TRIM59: variants seen among roughly 807,000 people sequenced by gnomAD.
The protein encoded by TRIM59 is tripartite motif containing 59.
TRIM59 carries 14 observed loss-of-function variants against 32.2 expected under a neutral mutation model. The observed-to-expected ratio is 0.43, with a 90% CI of 0.29 to 0.68. The LOEUF is 0.68. Among genes scored for constraint, TRIM59 ranks in the 30% least tolerant of loss-of-function variants. The pLI, the probability that TRIM59 is intolerant of heterozygous loss-of-function variation, is 0.15. For missense variants in TRIM59, 471 were observed against 463.3 expected, an observed-to-expected ratio of 1.02 and a Z score of -0.15; for synonymous variants, 163 against 155.1, an observed-to-expected ratio of 1.05 and a Z score of -0.38.
chr3:160,449,651 T>C lies in TRIM59; in HGVS notation c.-74+66A>G, dbSNP rs113420638. ...CCAACACACTAGGCACACCAGACTG[T>C]GCTACAGGAAAAGAAAAAGGACTCA... On this transcript the variant is annotated intron_variant, in intron 1 of 2. Coordinates refer to ENST00000309784, the MANE Select transcript of TRIM59 (RefSeq NM_173084.3). 14 of 1,289,854 alleles carry C rather than the reference T, an allele frequency of 1.1e-5. No individual in the cohort carries two copies. The African/African-American group carries it at 1.4e-4, about 13-fold the overall frequency. The allele number at this position is 1,289,854 out of a possible 1,614,324, so 79.9% of individuals were successfully genotyped here.
intron 2 of TRIM59, among the ~76,000 whole-genome samples, 160 bp from the exon 3 acceptor site, chr3:160,439,346 T>C (rs1334767246): frequency 1.3e-5 from 2 of 152,212 alleles, no homozygotes; most frequent in African/African-American, 2.4e-5. Flanking sequence ...CATTTCCTAG[T>C]ATATATAGTG....
In TRIM59 at chr3:160,438,300, C is replaced by G; in HGVS notation, c.884G>C (p.Gly295Ala). 6.2e-7 allele frequency: 1 copy of G among 1,613,642 alleles called. No homozygotes were observed. Among genetic ancestry groups the G allele is most frequent in the Non-Finnish European group, 8.5e-7 (1 of 1,179,918 alleles). ...LKEEWSRTEI[G>A]QIKNVLIPKM... Reference sequence around the variant, plus strand: ...GGGAATGAGAACGTTCTTAATTTGTCCAATTTCTGTTCTGCTCCATTCTTC... The same window carrying G: ...GGGAATGAGAACGTTCTTAATTTGTGCAATTTCTGTTCTGCTCCATTCTTC... The change falls in exon 3 of 3, where the codon GGA (glycine) becomes GCA (alanine). Residue 295 changes from glycine (G) to alanine (A), a missense_variant. Physicochemically the swap from Gly to Ala is moderately conservative, Grantham distance 60. Coordinates refer to ENST00000309784, the MANE Select transcript of TRIM59 (RefSeq NM_173084.3).
Position 160,435,883 on chromosome 3 carries a change from G to A in TRIM59, c.*2089C>T, listed in dbSNP as rs776318079. 1.7e-6 allele frequency: 2 copies of A among 1,163,680 alleles called. No homozygotes were observed. The highest frequency in any genetic ancestry group is 1.3e-5 in the South Asian group (1 of 78,386). The allele number at this position is 1,163,680 out of a possible 1,614,324, so 72.1% of individuals were successfully genotyped here. On this transcript the variant is annotated 3_prime_UTR_variant, in exon 3 of 3. Coordinates refer to ENST00000309784, the MANE Select transcript of TRIM59 (RefSeq NM_173084.3). ...ATGGCCTTGGACAAGTCACTTGTCA[G>A]TTCCCTCATCTACAAAAAGGGGGTT... is the stretch of plus-strand genomic sequence containing the variant.
intron 1 of TRIM59, 36 bp downstream of exon 1, chr3:160,449,678 AACC>A: frequency 7.8e-7 from 1 of 1,289,660 alleles, no homozygotes; most frequent in Non-Finnish European, 1.0e-6. Context: ...AAGGACTCAG[AACC>A]ACCTTCTCCG....
rs985099351 is a variant in TRIM59 at position 160,435,937 on chromosome 3, T to G, written c.*2035A>C. 1 of 1,284,450 alleles carries G rather than the reference T, an allele frequency of 7.8e-7. No individual in the cohort carries two copies. The highest frequency in any genetic ancestry group is 1.5e-5 in the African/African-American group (1 of 65,796). 79.6% of individuals were successfully genotyped at this position (1,284,450 alleles called of 1,614,324 possible). A position where few individuals can be genotyped will look rare whatever the true frequency, so the allele number is the denominator to read the frequency against. On this transcript the variant is annotated 3_prime_UTR_variant, in exon 3 of 3. Transcript: ENST00000309784. ...AATATTCACATCACAGAAATGAGAT[T>G]AAGTAGTTTAACACATAATGGCTAA...
intron 2 of TRIM59, among the ~76,000 whole-genome samples, chr3:160,442,711 T>C (rs1014689978): frequency 3.3e-5 from 5 of 152,188 alleles, no homozygotes; most frequent in African/African-American, 4.8e-5. Context: ...CTTTTCTCAC[T>C]GATTTATTGA....
chr3:160,447,409 C>T (rs1204644647), intron 2 of TRIM59, among the ~76,000 whole-genome samples: 1 of 152,122 alleles, frequency 6.6e-6, no homozygotes. Context: ...CTAAATCACT[C>T]TACTTACAAA....
intron 2 of TRIM59, among the ~76,000 whole-genome samples, chr3:160,444,229 C>G (rs1260922125): frequency 6.6e-6 from 1 of 151,720 alleles, no homozygotes. Flanking sequence ...AAAAATAACC[C>G]ACAAAAAATA....
At chr3:160,445,889 C>T (rs1464525833) in intron 2 of TRIM59, among the ~76,000 whole-genome samples, 1 of 152,026 alleles carries the variant, frequency 6.6e-6, no homozygotes, top group Non-Finnish European at 1.5e-5. Flanking sequence ...CCATGGCTCA[C>T]TGCAGCCTCA....
At position 160,445,800 on chromosome 3, in the gene TRIM59, A is replaced by G. The variant is rs115006149; in HGVS notation, c.-4+2926T>C. On this transcript the variant is annotated intron_variant, in intron 2 of 2. Transcript: ENST00000309784. ...AAAAAAAAAAAAAAAAAAAATTGCT[A>G]GAACTGATAAACCCAAGAGATGGCT... Among the ~76,000 whole-genome samples the G allele has an allele frequency of 5.4e-3, 810 of 149,458 alleles. 7 individuals carry two copies. The highest frequency in any genetic ancestry group is 0.019 in the African/African-American group (783 of 40,860).
chr3:160,444,233 AAAAAT>A (rs1374041447), intron 2 of TRIM59, among the ~76,000 whole-genome samples: 1 of 152,198 alleles, frequency 6.6e-6, no homozygotes, highest in East Asian at 1.9e-4. Flanking sequence ...ATAACCCACA[AAAAAT>A]AAATATCTAG....
chr3:160,449,437 G>A, intron 1 of TRIM59: 4 of 1,158,124 alleles, frequency 3.5e-6, no homozygotes, highest in South Asian at 3.3e-5. Context: ...CAACCCCGCG[G>A]GACTGACCGA....
chr3:160,441,765 A>G (rs927413232), intron 2 of TRIM59, among the ~76,000 whole-genome samples: 1 of 151,222 alleles, frequency 6.6e-6, no homozygotes, highest in Non-Finnish European at 1.5e-5. Flanking sequence ...AAAAAAAAAA[A>G]AAAAAAAGAA....
chr3:160,436,594 A>G lies in TRIM59; in HGVS notation c.*1378T>C. On this transcript the variant is annotated 3_prime_UTR_variant, in exon 3 of 3. Transcript: ENST00000309784. ...CGAGTGGATCATGAGGTCAGGAGATAGAGACCATCCTGGCTAACACAGTGA... is the reference window on the plus strand; with the variant it reads ...CGAGTGGATCATGAGGTCAGGAGATGGAGACCATCCTGGCTAACACAGTGA... The G allele has an allele frequency of 2.3e-6, 2 of 854,952 alleles. No homozygotes were observed. The highest frequency in any genetic ancestry group is 2.8e-6 in the Non-Finnish European group (2 of 710,690). The allele number at this position is 854,952 out of a possible 1,614,324, so 53.0% of individuals were successfully genotyped here.
At chr3:160,439,475 G>A (rs1271099304) in intron 2 of TRIM59, among the ~76,000 whole-genome samples, 2 of 152,108 alleles carry the variant, frequency 1.3e-5, no homozygotes, top group Non-Finnish European at 2.9e-5. Flanking sequence ...TTGTTGCTAT[G>A]TGATATGGTT....
chr3:160,448,660 T>G (rs1484153439), intron 2 of TRIM59, 66 bp downstream of exon 2: 7 of 967,536 alleles, frequency 7.2e-6, no homozygotes, highest in Non-Finnish European at 9.9e-6. Flanking sequence ...ACTTTGTAGT[T>G]TAAATCATAC....
chr3:160,449,633 A>G (rs1719719443), intron 1 of TRIM59, 84 bp downstream of exon 1: 3 of 1,289,460 alleles, frequency 2.3e-6, no homozygotes, highest in African/African-American at 1.5e-5. Flanking sequence ...CGCCCAACAC[A>G]CTAGGCACAC....
At chr3:160,448,860 G>A (rs1577021846) in intron 1 of TRIM59, 65 bp from the exon 2 acceptor site, 2 of 878,766 alleles carry the variant, frequency 2.3e-6, no homozygotes, top group East Asian at 1.3e-4. Context: ...AAAAATGGTT[G>A]TTAGTTCACT....
Position 160,437,109 on chromosome 3 carries a change from T to C in TRIM59, c.*863A>G, listed in dbSNP as rs560992095. 46 of 973,010 alleles carry C rather than the reference T, an allele frequency of 4.7e-5. No individual in the cohort carries two copies. In the South Asian group the frequency reaches 1.8e-3, roughly 38 times the overall value. 60.3% of individuals were successfully genotyped at this position (973,010 alleles called of 1,614,324 possible). A position where few individuals can be genotyped will look rare whatever the true frequency, so the allele number is the denominator to read the frequency against. ...GCTAACGTCTGTAATCCCAGCACTT[T>C]GGGAGGCCAAGGTGGGCAGATCTCT... On this transcript the variant is annotated 3_prime_UTR_variant, in exon 3 of 3. Transcript: ENST00000309784.
Sources: gnomAD v4.1 joint callset for allele counts (sites outside exome capture counted in the v4.1 genomes callset) on GRCh38, gnomAD v4.1.1 for gene constraint, MANE v1.5 for transcripts, NCBI Gene and HGNC (gene_info 2026-07-23, HGNC 2026-07-21) for gene names.